WWP1: variants seen among roughly 807,000 people sequenced by gnomAD.
The protein encoded by WWP1 is WW domain containing E3 ubiquitin protein ligase 1.
In WWP1, 49 loss-of-function variants were observed where a neutral mutation model predicts 130.6. The observed-to-expected ratio is 0.38, with a 90% CI of 0.30 to 0.48. The LOEUF is 0.48. Ranked by LOEUF, WWP1 falls within the 20% of genes least tolerant of loss-of-function variation. The pLI is 0.99. For synonymous variants in WWP1, 332 were observed against 367.8 expected, an observed-to-expected ratio of 0.90 and a Z score of 1.11; for missense variants, 809 against 1,100.6, an observed-to-expected ratio of 0.74 and a Z score of 3.75.
intron 9 of WWP1, among the ~76,000 whole-genome samples, chr8:86,414,460 A>G (rs890025285): frequency 1.3e-5 from 2 of 152,224 alleles, no homozygotes; most frequent in Non-Finnish European, 2.9e-5. Flanking sequence ...GTGGGGAGAT[A>G]GAATAGAAAA....
At chr8:86,368,139 T>C (rs777070749) in intron 1 of WWP1, among the ~76,000 whole-genome samples, 2 of 152,198 alleles carry the variant, frequency 1.3e-5, no homozygotes, top group Non-Finnish European at 2.9e-5. Flanking sequence ...CTTTATTGAG[T>C]CTTTACTTCG....
At chr8:86,433,019 C>G (rs1284919659) in intron 14 of WWP1, among the ~76,000 whole-genome samples, 1 of 152,170 alleles carries the variant, frequency 6.6e-6, no homozygotes, top group Non-Finnish European at 1.5e-5. Context: ...TCCCCTGACA[C>G]TGAATTTGCA....
chr8:86,442,101 G>C (rs1450682654), intron 17 of WWP1, among the ~76,000 whole-genome samples: 5 of 151,942 alleles, frequency 3.3e-5, no homozygotes, highest in African/African-American at 1.2e-4. Flanking sequence ...ACCTGCAAAT[G>C]TATATTAAAA....
rs2130630712 is a variant in WWP1 at position 86,423,279 on chromosome 8, T to C, written c.1062-1944T>C. On this transcript the variant is annotated intron_variant, in intron 9 of 24. Transcript: ENST00000517970. ...CTTGGGTGTTTCTCCCAGAGGGGGATTTGGCAGGGTCACAGGACAATAGTG... is the reference window on the plus strand; with the variant it reads ...CTTGGGTGTTTCTCCCAGAGGGGGACTTGGCAGGGTCACAGGACAATAGTG... Among the ~76,000 whole-genome samples the C allele has an allele frequency of 2.0e-5, 3 of 152,140 alleles. No homozygotes were observed. The East Asian group carries it at 5.8e-4, about 29-fold the overall frequency.
intron 7 of WWP1, among the ~76,000 whole-genome samples, chr8:86,401,016 T>G (rs1720918110): frequency 6.6e-6 from 1 of 152,062 alleles, no homozygotes; most frequent in African/African-American, 2.4e-5. Flanking sequence ...TTTTTGTTTT[T>G]TTTTTTTTTA....
At chr8:86,348,348 AGTT>A (rs1822711509) in intron 1 of WWP1, among the ~76,000 whole-genome samples, 1 of 151,708 alleles carries the variant, frequency 6.6e-6, no homozygotes, top group African/African-American at 2.4e-5. Context: ...CCTCCCAAGT[AGTT>A]GGGATTGCAG....
intron 5 of WWP1, among the ~76,000 whole-genome samples, chr8:86,395,025 T>TA (rs1221429244): frequency 6.9e-6 from 1 of 145,598 alleles, no homozygotes; most frequent in African/African-American, 2.5e-5. Context: ...GCCATACCAA[T>TA]AGCAGATTTA....
chr8:86,449,811 A>G (rs1312802525), intron 20 of WWP1, among the ~76,000 whole-genome samples: 1 of 152,176 alleles, frequency 6.6e-6, no homozygotes, highest in Non-Finnish European at 1.5e-5. Context: ...GATTATACAC[A>G]TTACTCCGTA....
chr8:86,434,381 C>T (rs144554205), intron 14 of WWP1, among the ~76,000 whole-genome samples: 323 of 152,282 alleles, frequency 2.1e-3, no homozygotes, highest in Non-Finnish European at 3.7e-3. Flanking sequence ...CCTTCAACAC[C>T]TTCAGCTTCC....
rs1414107718 is a variant in WWP1 at position 86,411,417 on chromosome 8, T to C, written c.725-121T>C. ...TGAAAATATTACTTTGTCTGCTGTT[T>C]GGAGAATGGATTGTAGTTGCTTAGT... On this transcript the variant is annotated intron_variant, in intron 8 of 24. Transcript: ENST00000517970. The C allele has an allele frequency of 1.0e-4, 77 of 742,020 alleles. No homozygotes were observed. The East Asian group carries it at 2.0e-3, about 20-fold the overall frequency. 46.0% of individuals were successfully genotyped at this position (742,020 alleles called of 1,614,324 possible).
intron 5 of WWP1, 147 bp downstream of exon 5, chr8:86,381,776 A>G: frequency 1.2e-6 from 1 of 834,300 alleles, no homozygotes; most frequent in Non-Finnish European, 1.7e-6. Flanking sequence ...GTGGCATTTT[A>G]TGAAATAGGA....
chr8:86,426,039 C>G (rs1809605834), intron 10 of WWP1, among the ~76,000 whole-genome samples: 1 of 152,314 alleles, frequency 6.6e-6, no homozygotes, highest in East Asian at 1.9e-4. Context: ...CATTCAAAAT[C>G]TAGAAAATTC....
At chr8:86,456,241 C>A (rs1036513365) in intron 21 of WWP1, among the ~76,000 whole-genome samples, 1 of 151,704 alleles carries the variant, frequency 6.6e-6, no homozygotes, top group African/African-American at 2.4e-5. Context: ...AAAGCAATAA[C>A]CATGAAAGAA....
chr8:86,360,464 C>G (rs1250295799), intron 1 of WWP1, among the ~76,000 whole-genome samples: 1 of 152,114 alleles, frequency 6.6e-6, no homozygotes, highest in Non-Finnish European at 1.5e-5. Context: ...GCCTGCTGTC[C>G]AGACTGTTAG....
chr8:86,346,258 G>A (rs1367701023), intron 1 of WWP1, among the ~76,000 whole-genome samples: 2 of 152,082 alleles, frequency 1.3e-5, no homozygotes, highest in Non-Finnish European at 2.9e-5. Context: ...ACTTTGGGCT[G>A]GGGAGTAGGG....
chr8:86,431,489 G>A lies in WWP1; in HGVS notation c.1471G>A (p.Gly491Ser). The change falls in exon 13 of 25, where the codon GGC (glycine) becomes AGC (serine). Residue 491 changes from glycine (G) to serine (S), a missense_variant and splice_region_variant. Gly to Ser is a moderately conservative substitution (Grantham distance 56). Transcript: ENST00000517970. ...CCAGTGGGAAGATCCAAGAACTCAAGGGTATGTATATACAGCAGCCTTAAG... is the reference window on the plus strand; with the variant it reads ...CCAGTGGGAAGATCCAAGAACTCAAAGGTATGTATATACAGCAGCCTTAAG... ...TTQWEDPRTQGLQNEEPLPEG... is the reference protein window; with the variant it reads ...TTQWEDPRTQSLQNEEPLPEG... 6.2e-7 allele frequency: 1 copy of A among 1,611,624 alleles called. No individual in the cohort carries two copies. The highest frequency in any genetic ancestry group is 8.5e-7 in the Non-Finnish European group (1 of 1,178,744).
At chr8:86,429,085 A>G (rs951786224) in intron 11 of WWP1, among the ~76,000 whole-genome samples, 2 of 152,166 alleles carry the variant, frequency 1.3e-5, no homozygotes, top group South Asian at 2.1e-4. Context: ...TTGCTCTGCC[A>G]TCCATATCGC....
At chr8:86,354,093 G>GAGT (rs1300465175) in intron 1 of WWP1, among the ~76,000 whole-genome samples, 1 of 152,202 alleles carries the variant, frequency 6.6e-6, no homozygotes, top group Non-Finnish European at 1.5e-5. Context: ...CCCATGGGCT[G>GAGT]AGTGCTACTG....
intron 5 of WWP1, among the ~76,000 whole-genome samples, chr8:86,384,563 T>C (rs753551691): frequency 6.6e-6 from 1 of 152,206 alleles, no homozygotes; most frequent in Non-Finnish European, 1.5e-5. Flanking sequence ...TTGAAGCAAT[T>C]TAAAAATACT....
Sources: gnomAD v4.1 joint callset for allele counts (sites outside exome capture counted in the v4.1 genomes callset) on GRCh38, gnomAD v4.1.1 for gene constraint, MANE v1.5 for transcripts, NCBI Gene and HGNC (gene_info 2026-07-23, HGNC 2026-07-21) for gene names.